The following ZNF124 variants were observed in gnomAD, a reference collection of about 807,000 sequenced individuals.
ZNF124 encodes zinc finger protein HZF-16.
ZNF124 carries 25 observed loss-of-function variants against 26.6 expected under a neutral mutation model. The observed-to-expected ratio is 0.94, with a 90% CI of 0.68 to 1.31. The LOEUF is 1.31. Among genes scored for constraint, ZNF124 ranks in the 40% most tolerant of loss-of-function variants. ZNF124 has a pLI of 0.00. For synonymous variants in ZNF124, 129 were observed against 133.3 expected (o/e 0.97, Z 0.22); for missense variants, 444 against 422.2 (o/e 1.05, Z -0.45).
chr1:247,155,670 G>A lies in ZNF124; in HGVS notation c.*896C>T, dbSNP rs1209084017. On this transcript the variant is annotated 3_prime_UTR_variant, in exon 4 of 4. Transcript: ENST00000543802. ...AGGTCAGGAGATTGAGACCATCCTG[G>A]CTAACACGGTGAAACCCCATCTCTA... is the stretch of plus-strand genomic sequence containing the variant. Among the ~76,000 whole-genome samples the A allele has an allele frequency of 1.3e-5, 2 of 151,978 alleles. No homozygotes were observed. The highest frequency in any genetic ancestry group is 3.9e-4 in the East Asian group (2 of 5,170).
At chr1:247,170,589 G>C (rs1674051650) in intron 1 of ZNF124, among the ~76,000 whole-genome samples, 1 of 144,118 alleles carries the variant, frequency 6.9e-6, no homozygotes, top group Admixed American at 6.7e-5. Flanking sequence ...AAGAAGGAAG[G>C]GCTTCATTCT....
chr1:247,139,102 G>C (rs1460598303), intron 3 of ZNF124, among the ~76,000 whole-genome samples: 1 of 152,186 alleles, frequency 6.6e-6, no homozygotes, highest in East Asian at 1.9e-4. Context: ...GATGTCTCAT[G>C]TCTCCCTAAA....
At chr1:247,132,342 GA>G (rs945822753) in intron 3 of ZNF124, among the ~76,000 whole-genome samples, 3 of 152,132 alleles carry the variant, frequency 2.0e-5, no homozygotes, top group Non-Finnish European at 4.4e-5. Flanking sequence ...AAGAATCAAT[GA>G]AAAAATGCTG....
chr1:247,139,992 ATCT>A (rs909537264), intron 3 of ZNF124, among the ~76,000 whole-genome samples: 4 of 151,982 alleles, frequency 2.6e-5, no homozygotes, highest in African/African-American at 9.7e-5. Context: ...ATTGTGTAGA[ATCT>A]TGCAGGGGTT....
rs112111015 is a variant in ZNF124, at chr1:247,138,360, C to A, written c.219-14489G>T. ...GCTGGAAGTCATCATCCTCAGCAAA[C>A]ACAGGAACAGAAAACTAAACACTGC... is the stretch of plus-strand genomic sequence containing the variant. On this transcript the variant is annotated intron_variant, in intron 3 of 3. Coordinates refer to the ZNF124 transcript ENST00000472531. 1,200 of 162,952 alleles carry A rather than the reference C, an allele frequency of 7.4e-3. 17 individuals carry two copies. Among genetic ancestry groups the A allele is most frequent in the African/African-American group, 0.026 (1,071 of 41,554 alleles). The allele number at this position is 162,952 out of a possible 1,614,324, so 10.1% of individuals were successfully genotyped here.
chr1:247,128,348 G>C (rs1377594836), intron 3 of ZNF124, among the ~76,000 whole-genome samples: 1 of 149,776 alleles, frequency 6.7e-6, no homozygotes, highest in Non-Finnish European at 1.5e-5. Context: ...ACGTGGTGTT[G>C]TGTCCTCAGC....
intron 1 of ZNF124, among the ~76,000 whole-genome samples, chr1:247,166,028 A>G (rs1673760264): frequency 6.6e-6 from 1 of 152,162 alleles, no homozygotes; most frequent in Non-Finnish European, 1.5e-5. Context: ...AGAATAAAAA[A>G]ATTAGCCGGG....
chr1:247,160,695 T>C (rs1453398723), intron 1 of ZNF124, among the ~76,000 whole-genome samples: 2 of 152,186 alleles, frequency 1.3e-5, no homozygotes, highest in Non-Finnish European at 2.9e-5. Flanking sequence ...TCAGCCTCAA[T>C]AAACAAACAA....
At chr1:247,163,528 C>T (rs1405015894) in intron 1 of ZNF124, among the ~76,000 whole-genome samples, 1 of 150,296 alleles carries the variant, frequency 6.7e-6, no homozygotes, top group Non-Finnish European at 1.5e-5. Flanking sequence ...TGCATACAGG[C>T]TAGAAAACCT....
chr1:247,148,224 G>C (rs1407854845), intron 3 of ZNF124, among the ~76,000 whole-genome samples: 3 of 152,178 alleles, frequency 2.0e-5, no homozygotes, highest in African/African-American at 7.2e-5. Context: ...AGGTTGGCGA[G>C]TGGAGGGATC....
intron 3 of ZNF124, among the ~76,000 whole-genome samples, chr1:247,147,505 G>A (rs113773692): frequency 0.14 from 20,753 of 152,104 alleles, 1,955 homozygotes; most frequent in African/African-American, 0.26. Flanking sequence ...GATTACAGGC[G>A]TGAGCCACTG....
intron 3 of ZNF124, among the ~76,000 whole-genome samples, chr1:247,141,608 A>G (rs1672629615): frequency 6.6e-6 from 1 of 152,116 alleles, no homozygotes; most frequent in Admixed American, 6.5e-5. Context: ...GGGCTGTCAT[A>G]TGCCTCTGGG....
chr1:247,159,950 C>A, intron 1 of ZNF124, 137 bp from the exon 2 acceptor site: 107 of 613,074 alleles, frequency 1.7e-4, no homozygotes, highest in Non-Finnish European at 2.3e-4. Context: ...ATGACTCTGT[C>A]TACACTTCCT....
chr1:247,159,124 A>G, intron 2 of ZNF124, 58 bp from the exon 3 acceptor site: 2 of 1,513,918 alleles, frequency 1.3e-6, no homozygotes, highest in Non-Finnish European at 1.8e-6. Context: ...AAAAATTACT[A>G]GACTCTAGGT....
chr1:247,159,155 T>C, intron 2 of ZNF124, 89 bp from the exon 3 acceptor site: 1 of 1,241,724 alleles, frequency 8.1e-7, no homozygotes, highest in South Asian at 1.5e-5. Context: ...GGATATGGTT[T>C]GTACCCACCA....
At position 247,157,413 on chromosome 1, in the gene ZNF124, G is replaced by A; in HGVS notation, c.219-10C>T. ...ATGAGATATGATGTGCCTATGAAGG[G>A]ATGAATGACGTATGAAGAATTTTTC... On this transcript the variant is annotated splice_polypyrimidine_tract_variant and intron_variant, in intron 3 of 3. Coordinates refer to ENST00000543802, the MANE Select transcript of ZNF124 (RefSeq NM_001297568.2). 1 of 1,551,068 alleles carries A rather than the reference G, an allele frequency of 6.4e-7. No homozygotes were observed.
chr1:247,157,544 G>T, intron 3 of ZNF124, 141 bp from the exon 4 acceptor site: 1 of 739,980 alleles, frequency 1.4e-6, no homozygotes, highest in South Asian at 1.7e-5. Context: ...ATTTTACACA[G>T]TATGTCTATC....
At chr1:247,138,533 A>G (rs1353646148) in intron 3 of ZNF124, 1 of 370,242 alleles carries the variant, frequency 2.7e-6, no homozygotes, top group East Asian at 3.8e-5. Context: ...ACCGCGGCAC[A>G]TGTATACCCA....
At chr1:247,152,447 T>C (rs114902311), downstream of ZNF124, among the ~76,000 whole-genome samples, 442 of 152,042 alleles carry the variant, frequency 2.9e-3, 5 homozygotes, top group African/African-American at 0.01. Flanking sequence ...ATAAACCCAG[T>C]CCCAAATATA....
Sources: allele counts gnomAD v4.1 joint callset (sites outside exome capture counted in the v4.1 genomes callset), GRCh38; gene constraint gnomAD v4.1.1; transcripts MANE v1.5; gene names NCBI Gene and HGNC (gene_info 2026-07-23, HGNC 2026-07-21).